Variants in PIR observed in about 807,000 individuals in gnomAD.
PIR encodes pirin.
PIR carries 22 observed loss-of-function variants against 24.2 expected under a neutral mutation model. The observed-to-expected ratio is 0.91, with a 90% CI of 0.65 to 1.30. The LOEUF (loss-of-function observed/expected upper bound fraction) is 1.30. Ranked by LOEUF, PIR falls within the 50% of genes most tolerant of loss-of-function variation. The probability of loss-of-function intolerance (pLI) is 0.00; values close to 1 mark genes in which losing one functional copy is unlikely to be tolerated. For missense variants in PIR, 220 were observed against 220.3 expected (o/e 1.00, Z 0.01); for synonymous variants, 80 against 79.6 (o/e 1.00, Z -0.03).
At chrX:15,489,376 G>C (rs1374985901) in intron 2 of PIR, among the ~76,000 whole-genome samples, 1 of 112,043 alleles carries the variant, frequency 8.9e-6, no homozygotes, top group Non-Finnish European at 1.9e-5. Flanking sequence ...ATTGCTTTCA[G>C]AAGAAATTGA....
At chrX:15,412,979 G>A (rs1290074006) in intron 6 of PIR, among the ~76,000 whole-genome samples, 1 of 111,992 alleles carries the variant, frequency 8.9e-6, no homozygotes, top group Non-Finnish European at 1.9e-5. Context: ...GAATGAATAC[G>A]TATAACACAG....
intron 5 of PIR, among the ~76,000 whole-genome samples, chrX:15,441,771 T>C (rs1220104778): frequency 9.0e-6 from 1 of 111,313 alleles, no homozygotes; most frequent in African/African-American, 3.3e-5. Flanking sequence ...TCTTTCTCTT[T>C]CTCTCTTCTT....
chrX:15,483,945 G>T (rs1922650569), intron 2 of PIR, among the ~76,000 whole-genome samples: 1 of 112,171 alleles, frequency 8.9e-6, no homozygotes, highest in African/African-American at 3.2e-5. Flanking sequence ...TTAAAATATG[G>T]GTAAAGACAA....
intron 5 of PIR, among the ~76,000 whole-genome samples, chrX:15,453,263 C>A (rs1282260062): frequency 8.9e-6 from 1 of 112,226 alleles, no homozygotes; most frequent in African/African-American, 3.2e-5. Flanking sequence ...CAGCCCAGCT[C>A]CTGTTCAAGT....
intron 7 of PIR, among the ~76,000 whole-genome samples, chrX:15,401,442 A>G (rs965445875): frequency 9.0e-6 from 1 of 110,895 alleles, no homozygotes; most frequent in Admixed American, 9.5e-5. Context: ...GTATTATTAC[A>G]TGAAATGTTT....
intron 7 of PIR, among the ~76,000 whole-genome samples, chrX:15,401,759 T>G (rs1467763417): frequency 8.9e-6 from 1 of 112,333 alleles, no homozygotes; most frequent in Non-Finnish European, 1.9e-5. Flanking sequence ...CAAAACCTAT[T>G]GTAAAGTTAG....
At chrX:15,461,139 G>A (rs1463060377) in intron 3 of PIR, among the ~76,000 whole-genome samples, 9 of 111,603 alleles carry the variant, frequency 8.1e-5, no homozygotes, top group Non-Finnish European at 1.7e-4. Context: ...TCCTGGCATG[G>A]TGGGCCCTGG....
chrX:15,392,187 G>C (rs1027570425), intron 8 of PIR, among the ~76,000 whole-genome samples: 2 of 111,243 alleles, frequency 1.8e-5, no homozygotes, highest in East Asian at 5.6e-4. Context: ...CCACCACATG[G>C]AGAAATAATA....
intron 5 of PIR, chrX:15,429,832 G>A (rs1452078186): frequency 9.1e-6 from 1 of 110,114 alleles, no homozygotes; most frequent in Non-Finnish European, 1.9e-5. Flanking sequence ...CTCCAGCCTG[G>A]GCGGAAGAGC....
chrX:15,400,761 T>TTATTTATTTA (rs1569194235), intron 7 of PIR, among the ~76,000 whole-genome samples: 1 of 109,600 alleles, frequency 9.1e-6, no homozygotes, highest in African/African-American at 3.3e-5. Context: ...ATTTATTTAT[T>TTATTTATTTA]TTTGAGATGG....
chrX:15,473,702 G>A (rs1330011655), intron 3 of PIR, among the ~76,000 whole-genome samples: 2 of 110,796 alleles, frequency 1.8e-5, no homozygotes, highest in Admixed American at 9.6e-5. Flanking sequence ...GATTACAGGC[G>A]CCTGCCACCA....
chrX:15,445,820 C>CTTTT lies in PIR; in HGVS notation c.480+10024_480+10027dup, dbSNP rs1192838504. Among the ~76,000 whole-genome samples, 17 of 64,923 alleles carry CTTTT rather than the reference C, an allele frequency of 2.6e-4. 1 individual carries two copies. Among genetic ancestry groups the CTTTT allele is most frequent in the Admixed American group, 4.7e-4 (3 of 6,316 alleles). 56.4% of individuals were successfully genotyped at this position (64,923 alleles called of 115,157 possible). On this transcript the variant is annotated intron_variant, in intron 5 of 9. Coordinates refer to ENST00000380420, the MANE Select transcript of PIR (RefSeq NM_001018109.3). ...CGTCATCTGTATATTCAAGATATTT[C>CTTTT]TTTTTTTTTTTTTTTTTTTTTTTTT...
At chrX:15,408,783 G>A (rs1199199037) in intron 6 of PIR, among the ~76,000 whole-genome samples, 1 of 112,074 alleles carries the variant, frequency 8.9e-6, no homozygotes, top group Admixed American at 9.5e-5. Context: ...AGGAGTCAGC[G>A]TGATGACAGG....
At chrX:15,434,133 A>C (rs1248665906) in intron 5 of PIR, among the ~76,000 whole-genome samples, 1 of 92,957 alleles carries the variant, frequency 1.1e-5, no homozygotes, top group Non-Finnish European at 2.2e-5. Flanking sequence ...GAGGAGAAAG[A>C]AGGAGGAGGA....
intron 5 of PIR, among the ~76,000 whole-genome samples, chrX:15,452,076 A>G (rs1165952789): frequency 8.9e-6 from 1 of 111,962 alleles, no homozygotes; most frequent in Non-Finnish European, 1.9e-5. Context: ...AACCAAGGCC[A>G]TCTGGCTCCA....
Position 15,479,740 on chromosome X carries a change from C to A in PIR, c.178G>T (p.Gly60Cys). The part of the protein sequence containing the change: ...PGGFPDHPHR[G>C]FETVSYLLEG... ...ATTATTGTACTTACTGTTTCAAAAC[C>A]TCGATGTGGATGATCAGGAAATCCT... The change falls in exon 3 of 10, where the codon GGT becomes TGT. Residue 60 changes from glycine to cysteine, a missense_variant. Physicochemically the swap from Gly to Cys is radical, Grantham distance 159. Coordinates refer to ENST00000380420, the MANE Select transcript of PIR (RefSeq NM_001018109.3). The A allele has an allele frequency of 8.8e-7, 1 of 1,138,223 alleles. No homozygotes were observed. Among genetic ancestry groups the A allele is most frequent in the Non-Finnish European group, 1.2e-6 (1 of 836,882 alleles). 93.8% of individuals were successfully genotyped at this position (1,138,223 alleles called of 1,213,427 possible).
chrX:15,413,781 C>T, intron 6 of PIR, among the ~76,000 whole-genome samples: 1 of 111,838 alleles, frequency 8.9e-6, no homozygotes, highest in South Asian at 3.7e-4. Context: ...AGTTAGTTTT[C>T]CAGAATAAAA....
chrX:15,478,555 C>A (rs1218021665), intron 3 of PIR: 1 of 111,953 alleles, frequency 8.9e-6, no homozygotes, highest in African/African-American at 3.2e-5. Flanking sequence ...GCAAAGCAAG[C>A]CACAGCGCCT....
chrX:15,412,522 T>C (rs978079215), intron 6 of PIR, among the ~76,000 whole-genome samples: 1 of 112,033 alleles, frequency 8.9e-6, no homozygotes, highest in Non-Finnish European at 1.9e-5. Flanking sequence ...ACCATACAGG[T>C]GAAAAAAAGT....
Sources: gnomAD v4.1 joint callset for allele counts (sites outside exome capture counted in the v4.1 genomes callset) on GRCh38, gnomAD v4.1.1 for gene constraint, MANE v1.5 for transcripts, NCBI Gene and HGNC (gene_info 2026-07-23, HGNC 2026-07-21) for gene names.